Variants in SEMA5A observed in about 807,000 individuals in gnomAD.
SEMA5A encodes semaphorin 5A, also known as semaphorin-5A.
A neutral mutation model predicts 135.5 loss-of-function variants in SEMA5A; 55 were observed. The observed-to-expected ratio is 0.41, with a 90% CI of 0.33 to 0.51. The LOEUF (loss-of-function observed/expected upper bound fraction) is 0.51, where lower values mean the gene tolerates loss of function less well. SEMA5A is among the 20% of genes least tolerant of loss of function. The pLI, the probability that SEMA5A is intolerant of heterozygous loss-of-function variation, is 0.37. For missense variants in SEMA5A, 1,290 were observed against 1,419.9 expected (o/e 0.91, Z 1.47); for synonymous variants, 580 against 546.5 (o/e 1.06, Z -0.85).
At chr5:9,537,928 T>G (rs767513114) in intron 1 of SEMA5A, among the ~76,000 whole-genome samples, 8 of 152,170 alleles carry the variant, frequency 5.3e-5, no homozygotes, top group Non-Finnish European at 7.4e-5. Flanking sequence ...ATCTGGACCA[T>G]GGACCACCTG....
chr5:9,414,557 C>T (rs1012969561), intron 2 of SEMA5A, among the ~76,000 whole-genome samples: 1 of 152,164 alleles, frequency 6.6e-6, no homozygotes, highest in Admixed American at 6.5e-5. Context: ...CTGCTTTCTA[C>T]CAGTCATAAT....
At chr5:9,127,834 T>C (rs1442657764) in intron 13 of SEMA5A, among the ~76,000 whole-genome samples, 3 of 152,172 alleles carry the variant, frequency 2.0e-5, no homozygotes, top group African/African-American at 7.2e-5. Flanking sequence ...AGGATCTCCT[T>C]AGCTCTAAGA....
chr5:9,387,276 C>A (rs1325414105), intron 2 of SEMA5A, among the ~76,000 whole-genome samples: 3 of 152,154 alleles, frequency 2.0e-5, no homozygotes, highest in East Asian at 3.8e-4. Flanking sequence ...TGAAAACGGG[C>A]AGTGTCTTCG....
intron 1 of SEMA5A, among the ~76,000 whole-genome samples, chr5:9,492,470 G>A (rs1735070554): frequency 6.6e-6 from 1 of 152,092 alleles, no homozygotes; most frequent in Non-Finnish European, 1.5e-5. Flanking sequence ...TATCTGAATG[G>A]AGGAAACCAG....
intron 4 of SEMA5A, among the ~76,000 whole-genome samples, chr5:9,331,199 G>A (rs1355946524): frequency 6.6e-6 from 1 of 151,856 alleles, no homozygotes; most frequent in African/African-American, 2.4e-5. Flanking sequence ...GTAATTCCAA[G>A]GTAAAATTTT....
intron 8 of SEMA5A, among the ~76,000 whole-genome samples, chr5:9,210,753 TAGA>T (rs998942004): frequency 1.3e-5 from 2 of 152,074 alleles, no homozygotes; most frequent in Non-Finnish European, 2.9e-5. Context: ...TGCTCATCTG[TAGA>T]AGAAGGATAA....
intron 2 of SEMA5A, among the ~76,000 whole-genome samples, chr5:9,388,638 G>C (rs533440776): frequency 6.6e-6 from 1 of 152,248 alleles, no homozygotes; most frequent in Non-Finnish European, 1.5e-5. Context: ...GGTGGCTCAC[G>C]CCTGTAATCC....
intron 1 of SEMA5A, among the ~76,000 whole-genome samples, chr5:9,508,912 C>T (rs3777367): frequency 0.021 from 3,122 of 152,172 alleles, 89 homozygotes; most frequent in East Asian, 0.12. Flanking sequence ...AGTGGATCTA[C>T]AACTAGGGAC....
At chr5:9,451,692 A>G (rs1758650214) in intron 1 of SEMA5A, among the ~76,000 whole-genome samples, 2 of 152,200 alleles carry the variant, frequency 1.3e-5, no homozygotes, top group South Asian at 4.1e-4. Context: ...GAGTACACAG[A>G]GTTCTTTCAC....
Position 9,236,023 on chromosome 5 carries a change from C to T in SEMA5A, c.333+1805G>A, listed in dbSNP as rs376148669. On this transcript the variant is annotated intron_variant, in intron 6 of 22. Transcript: ENST00000382496. ...CAAGAGAGCTTGTGCAGGGGAACTCCCCTTTAAAAACCATCAGGTCTTGTG... is the reference window on the plus strand; with the variant it reads ...CAAGAGAGCTTGTGCAGGGGAACTCTCCTTTAAAAACCATCAGGTCTTGTG... 5.1e-4 allele frequency among the ~76,000 whole-genome samples: 77 copies of T among 152,234 alleles called. No homozygotes were observed. In the South Asian group the frequency reaches 0.016, roughly 32 times the overall value.
intron 13 of SEMA5A, among the ~76,000 whole-genome samples, chr5:9,134,973 A>T (rs1741648702): frequency 6.6e-6 from 1 of 152,172 alleles, no homozygotes; most frequent in African/African-American, 2.4e-5. Context: ...AAAATTGGCT[A>T]CTAAAATAAT....
chr5:9,535,032 G>A (rs1334089977), intron 1 of SEMA5A, among the ~76,000 whole-genome samples: 1 of 152,260 alleles, frequency 6.6e-6, no homozygotes, highest in East Asian at 1.9e-4. Context: ...CTGCAAAGTC[G>A]GGTCAGGGCT....
chr5:9,488,666 G>A (rs918480464), intron 1 of SEMA5A, among the ~76,000 whole-genome samples: 6 of 151,976 alleles, frequency 3.9e-5, no homozygotes, highest in East Asian at 3.9e-4. Context: ...GCTCTCTCAC[G>A]CAGCCCTTGT....
chr5:9,249,151 G>T (rs1748640258), intron 5 of SEMA5A, among the ~76,000 whole-genome samples: 1 of 152,170 alleles, frequency 6.6e-6, no homozygotes, highest in Non-Finnish European at 1.5e-5. Context: ...GGATTATTTT[G>T]AGCTGATTAT....
intron 8 of SEMA5A, among the ~76,000 whole-genome samples, chr5:9,209,290 T>C (rs1746217245): frequency 6.6e-6 from 1 of 152,240 alleles, no homozygotes; most frequent in Non-Finnish European, 1.5e-5. Flanking sequence ...CCCTCTCTTA[T>C]AAAATTCTGC....
intron 1 of SEMA5A, among the ~76,000 whole-genome samples, chr5:9,500,500 T>C (rs906290061): frequency 3.9e-5 from 6 of 152,128 alleles, no homozygotes; most frequent in Non-Finnish European, 8.8e-5. Context: ...ACACTCATTT[T>C]CTCCTAACTG....
chr5:9,280,507 T>G (rs1286310127), intron 5 of SEMA5A, among the ~76,000 whole-genome samples: 1 of 152,186 alleles, frequency 6.6e-6, no homozygotes, highest in Non-Finnish European at 1.5e-5. Flanking sequence ...CCTATGTCCC[T>G]CAACAGGACC....
At chr5:9,303,277 C>T (rs1330382952) in intron 5 of SEMA5A, among the ~76,000 whole-genome samples, 10 of 151,934 alleles carry the variant, frequency 6.6e-5, no homozygotes, top group African/African-American at 1.4e-4. Context: ...CCACCATGCC[C>T]GGCTAATTTT....
chr5:9,112,684 G>C (rs1409851555), intron 15 of SEMA5A, among the ~76,000 whole-genome samples: 1 of 152,160 alleles, frequency 6.6e-6, no homozygotes. Context: ...TCTTAACTTT[G>C]AGAATGCATT....
Sources: allele counts gnomAD v4.1 joint callset (sites outside exome capture counted in the v4.1 genomes callset), GRCh38; gene constraint gnomAD v4.1.1; transcripts MANE v1.5; gene names NCBI Gene and HGNC (gene_info 2026-07-23, HGNC 2026-07-21).